Variants in SLC8A3 observed in about 807,000 individuals in gnomAD.
The protein encoded by SLC8A3 is solute carrier family 8 member A3.
A neutral mutation model predicts 65.4 loss-of-function variants in SLC8A3; 37 were observed. That is an observed-to-expected ratio of 0.57 (90% CI 0.44 to 0.74). SLC8A3 has a LOEUF of 0.74. Ranked by LOEUF, SLC8A3 falls within the 30% of genes least tolerant of loss-of-function variation. SLC8A3 has a pLI of 0.00. For synonymous variants in SLC8A3, 461 were observed against 444.5 expected (o/e 1.04, Z -0.47); for missense variants, 1,112 against 1,172.1 (o/e 0.95, Z 0.75).
intron 2 of SLC8A3, among the ~76,000 whole-genome samples, chr14:70,080,481 C>T (rs1306864798): frequency 6.6e-6 from 1 of 152,172 alleles, no homozygotes; most frequent in African/African-American, 2.4e-5. Flanking sequence ...CTGTTGAAAA[C>T]TGCTCGCTAC....
chr14:70,096,102 G>A (rs557322334), intron 2 of SLC8A3, among the ~76,000 whole-genome samples: 72 of 152,228 alleles, frequency 4.7e-4, no homozygotes, highest in Admixed American at 1.0e-3. Flanking sequence ...GGCTGGTCTT[G>A]AACTCCTGAC....
At position 70,137,377 on chromosome 14, in the gene SLC8A3, C is replaced by T. The variant is rs559661818; in HGVS notation, c.1784+29262G>A. The stretch of plus-strand genomic sequence containing the variant: ...CATGTTGGTCTTGAACTCCTGACCT[C>T]GTGATCCACCCCACATCGGCCTCCC... On this transcript the variant is annotated intron_variant, in intron 2 of 6. Coordinates refer to ENST00000356921, the MANE Select transcript of SLC8A3 (RefSeq NM_182932.3). Among the ~76,000 whole-genome samples the T allele has an allele frequency of 9.2e-5, 14 of 152,138 alleles. 1 individual carries two copies. Among genetic ancestry groups the T allele is most frequent in the Admixed American group, 2.0e-4 (3 of 15,274 alleles).
chr14:70,130,605 C>T (rs1203763336), intron 2 of SLC8A3, among the ~76,000 whole-genome samples: 1 of 152,176 alleles, frequency 6.6e-6, no homozygotes, highest in Non-Finnish European at 1.5e-5. Context: ...CTGGGAATCC[C>T]CAGGAGCTTG....
intron 2 of SLC8A3, among the ~76,000 whole-genome samples, chr14:70,087,342 A>G (rs1891508414): frequency 6.6e-6 from 1 of 152,194 alleles, no homozygotes; most frequent in Admixed American, 6.5e-5. Context: ...CTGCTGTGCA[A>G]CTTCCATTTA....
At chr14:70,119,661 A>G (rs938066912) in intron 2 of SLC8A3, among the ~76,000 whole-genome samples, 1 of 152,202 alleles carries the variant, frequency 6.6e-6, no homozygotes, top group Admixed American at 6.5e-5. Flanking sequence ...AGCTCTGGAG[A>G]GAACAGCCTG....
chr14:70,157,082 A>G (rs1357063954), intron 2 of SLC8A3, among the ~76,000 whole-genome samples: 4 of 152,176 alleles, frequency 2.6e-5, no homozygotes, highest in African/African-American at 9.7e-5. Context: ...TCGTGGCTGC[A>G]GAGTCTATAG....
At chr14:70,049,222 C>T (rs1397532335) in intron 5 of SLC8A3, among the ~76,000 whole-genome samples, 180 bp from the exon 6 acceptor site, 1 of 152,204 alleles carries the variant, frequency 6.6e-6, no homozygotes, top group East Asian at 1.9e-4. Flanking sequence ...ACAATTTGGG[C>T]TGCCTCATAG....
chr14:70,158,594 C>T lies in SLC8A3; in HGVS notation c.1784+8045G>A, dbSNP rs550781324. Among the ~76,000 whole-genome samples the T allele has an allele frequency of 3.3e-5, 5 of 152,242 alleles. No homozygotes were observed. In the East Asian group the frequency reaches 9.6e-4, roughly 29 times the overall value. On this transcript the variant is annotated intron_variant, in intron 2 of 6. Transcript: ENST00000356921. ...CACAAATAACTGCTTCTTCATGAAC[C>T]CTACCCACCAAAAGGTAACTGAATT...
intron 2 of SLC8A3, among the ~76,000 whole-genome samples, chr14:70,139,901 C>T (rs1217644204): frequency 2.0e-5 from 3 of 152,158 alleles, no homozygotes; most frequent in Non-Finnish European, 2.9e-5. Flanking sequence ...CAACCCCAGG[C>T]ATCTCCCCCT....
intron 2 of SLC8A3, among the ~76,000 whole-genome samples, chr14:70,073,194 A>G (rs1890169895): frequency 6.6e-6 from 1 of 151,938 alleles, no homozygotes. Flanking sequence ...GGTATGACGG[A>G]GTGGGCTGAG....
At chr14:70,184,669 T>C (rs1476555489) in intron 1 of SLC8A3, among the ~76,000 whole-genome samples, 1 of 152,262 alleles carries the variant, frequency 6.6e-6, no homozygotes, top group East Asian at 1.9e-4. Flanking sequence ...GTTTACCCTC[T>C]ACTGGCATAA....
At chr14:70,050,253 T>TAGCAGG (rs1887331228) in intron 5 of SLC8A3, among the ~76,000 whole-genome samples, 1 of 151,810 alleles carries the variant, frequency 6.6e-6, no homozygotes, top group South Asian at 2.1e-4. Context: ...AAAAGTGGGG[T>TAGCAGG]AGCAGCAGCA....
chr14:70,066,792 CAG>C (rs1889480351), intron 2 of SLC8A3, among the ~76,000 whole-genome samples: 1 of 152,182 alleles, frequency 6.6e-6, no homozygotes, highest in South Asian at 2.1e-4. Context: ...GCCTGGGCGA[CAG>C]AGTGAGACTC....
rs145726854 is a variant in SLC8A3 at position 70,060,589 on chromosome 14, C to T, written c.1888+247G>A. The T allele has an allele frequency of 1.6e-3, 1,006 of 627,970 alleles. 14 individuals carry two copies. The East Asian group carries it at 0.028, about 18-fold the overall frequency. The allele number at this position is 627,970 out of a possible 1,614,324, so 38.9% of individuals were successfully genotyped here. On this transcript the variant is annotated intron_variant, in intron 3 of 6. Coordinates refer to ENST00000356921, the MANE Select transcript of SLC8A3 (RefSeq NM_182932.3). The stretch of plus-strand genomic sequence containing the variant: ...TGAGGCTGCAGTGCTGCCCAGAAGG[C>T]GGTAAAGGAGGAATTTGGAATAAGC...
In SLC8A3 at chr14:70,167,679, G is replaced by A; in HGVS notation, c.744C>T (p.Ala248=). ...AGAGCAGTCGTTTATCTGCCACCCAGGCCAGAAGGACACACACTGGAAAGA... is the reference window on the plus strand; with the variant it reads ...AGAGCAGTCGTTTATCTGCCACCCAAGCCAGAAGGACACACACTGGAAAGA... The part of the protein sequence containing the change: ...LFFFPVCVLL[A]WVADKRLLFY... The change falls in exon 2 of 7, where the codon GCC becomes GCT. Residue 248 remains alanine, a synonymous_variant. Transcript: ENST00000356921. 1 of 1,614,098 alleles carries A rather than the reference G, an allele frequency of 6.2e-7. No homozygotes were observed. Among genetic ancestry groups the A allele is most frequent in the Non-Finnish European group, 8.5e-7 (1 of 1,180,002 alleles).
intron 2 of SLC8A3, among the ~76,000 whole-genome samples, chr14:70,072,870 A>T: frequency 6.6e-6 from 1 of 151,906 alleles, no homozygotes; most frequent in East Asian, 1.9e-4. Context: ...CTAGTCTCAA[A>T]CTCGTGACCT....
chr14:70,086,222 T>C (rs1214838724), intron 2 of SLC8A3, among the ~76,000 whole-genome samples: 2 of 152,190 alleles, frequency 1.3e-5, no homozygotes, highest in East Asian at 1.9e-4. Flanking sequence ...ATCTTCATTT[T>C]ACAGAGGAGG....
intron 2 of SLC8A3, among the ~76,000 whole-genome samples, chr14:70,124,686 T>A (rs190134689): frequency 6.6e-6 from 1 of 152,390 alleles, no homozygotes. Context: ...TCTTTCTTGC[T>A]TTAACTCTTA....
intron 2 of SLC8A3, among the ~76,000 whole-genome samples, chr14:70,136,456 C>CTCCAT (rs1895208632): frequency 6.6e-6 from 1 of 152,184 alleles, no homozygotes; most frequent in Admixed American, 6.5e-5. Context: ...ACCTCACTCA[C>CTCCAT]CTTTTGTGCC....
Sources: gnomAD v4.1 joint callset for allele counts (sites outside exome capture counted in the v4.1 genomes callset) on GRCh38, gnomAD v4.1.1 for gene constraint, MANE v1.5 for transcripts, NCBI Gene and HGNC (gene_info 2026-07-23, HGNC 2026-07-21) for gene names.